The following EFHC2 variants were observed in gnomAD, a reference collection of about 807,000 sequenced individuals.
The protein encoded by EFHC2 is EF-hand domain-containing family member C2.
Under a neutral mutation model 52.7 loss-of-function variants are expected in EFHC2, and 18 were observed. The ratio of observed to expected loss-of-function variants is 0.34; its 90% confidence interval spans 0.24 to 0.51. The LOEUF (loss-of-function observed/expected upper bound fraction) is 0.51, where lower values mean the gene tolerates loss of function less well. EFHC2 is among the 20% of genes least tolerant of loss of function. EFHC2 has a pLI of 0.97. For missense variants in EFHC2, 513 were observed against 562.5 expected (o/e 0.91, Z 0.89); for synonymous variants, 203 against 204.1 (o/e 0.99, Z 0.04).
At chrX:44,205,097 C>T (rs549514630) in intron 11 of EFHC2, among the ~76,000 whole-genome samples, 1 of 111,382 alleles carries the variant, frequency 9.0e-6, no homozygotes, top group African/African-American at 3.3e-5. Flanking sequence ...AATTTCATAC[C>T]CCACCAAACT....
intron 11 of EFHC2, among the ~76,000 whole-genome samples, chrX:44,211,657 C>T (rs766640064): frequency 1.8e-5 from 2 of 110,002 alleles, no homozygotes; most frequent in South Asian, 3.9e-4. Flanking sequence ...ATCAGGAGAT[C>T]GAGACCATCC....
At chrX:44,202,270 G>A (rs929288203) in intron 11 of EFHC2, among the ~76,000 whole-genome samples, 10 of 111,201 alleles carry the variant, frequency 9.0e-5, no homozygotes, top group Middle Eastern at 4.2e-3. Flanking sequence ...AAAATCAGCC[G>A]GGCGTGGTGG....
intron 14 of EFHC2, among the ~76,000 whole-genome samples, chrX:44,149,913 G>A: frequency 8.9e-6 from 1 of 112,182 alleles, no homozygotes; most frequent in South Asian, 3.7e-4. Flanking sequence ...CTCACAGTAT[G>A]ATCTTGCAGA....
chrX:44,262,531 A>AAG (rs748889561), intron 3 of EFHC2, among the ~76,000 whole-genome samples: 7 of 93,672 alleles, frequency 7.5e-5, no homozygotes, highest in South Asian at 4.8e-4. Context: ...AAAAAAAAAA[A>AAG]AAAAGAAAAG....
At chrX:44,292,055 TAAA>T (rs1286888777) in intron 2 of EFHC2, among the ~76,000 whole-genome samples, 2 of 111,683 alleles carry the variant, frequency 1.8e-5, no homozygotes, top group Non-Finnish European at 3.8e-5. Context: ...TGGAGTTTTA[TAAA>T]CTGAATCAAG....
chrX:44,169,085 C>A (rs1299322608), intron 13 of EFHC2, among the ~76,000 whole-genome samples: 2 of 110,978 alleles, frequency 1.8e-5, no homozygotes. Flanking sequence ...GAACAGAAGA[C>A]TACAAGAAAG....
chrX:44,214,110 A>G (rs1174404633), intron 11 of EFHC2, among the ~76,000 whole-genome samples: 2 of 111,843 alleles, frequency 1.8e-5, no homozygotes. Context: ...AAAGTGTAAC[A>G]AATAGGTAAT....
intron 1 of EFHC2, among the ~76,000 whole-genome samples, chrX:44,324,757 C>A (rs1478236926): frequency 8.9e-6 from 1 of 111,958 alleles, no homozygotes; most frequent in Non-Finnish European, 1.9e-5. Flanking sequence ...TGAGAAGAAA[C>A]CAAAATATAT....
In EFHC2 at chrX:44,148,273, TC is replaced by T. The variant is rs1453213177; in HGVS notation, c.*521del. 1 of 108,655 alleles carries T rather than the reference TC, an allele frequency of 9.2e-6. No homozygotes were observed. The highest frequency in any genetic ancestry group is 3.5e-5 in the African/African-American group (1 of 28,540). 9.0% of individuals were successfully genotyped at this position (108,655 alleles called of 1,213,427 possible). ...TGTGTGTGTTGGAGGTTCTTTTTCT[TC>T]CCATAGCTTTACTAAGTTCAAAAGA... On this transcript the variant is annotated 3_prime_UTR_variant, in exon 15 of 15. Coordinates refer to ENST00000420999, the MANE Select transcript of EFHC2 (RefSeq NM_025184.4).
rs751041040 is a variant in EFHC2 at position 44,179,057 on chromosome X, T to C, written c.1752-493A>G. Among the ~76,000 whole-genome samples the C allele has an allele frequency of 1.0e-3, 110 of 107,920 alleles. 1 individual carries two copies. The highest frequency in any genetic ancestry group is 3.6e-3 in the African/African-American group (106 of 29,564). 93.7% of individuals were successfully genotyped at this position (107,920 alleles called of 115,157 possible). On this transcript the variant is annotated intron_variant, in intron 11 of 14. Transcript: ENST00000420999. ...ATAAAAAGTAAAACTGGACACACCC[T>C]GGCAGTGAGAAAAAAAAACAAGAGA...
intron 14 of EFHC2, among the ~76,000 whole-genome samples, chrX:44,161,562 C>G (rs1316325768): frequency 8.9e-6 from 1 of 111,738 alleles, no homozygotes; most frequent in African/African-American, 3.3e-5. Flanking sequence ...GTGCATCCCA[C>G]TGGTCAACCC....
intron 1 of EFHC2, among the ~76,000 whole-genome samples, chrX:44,313,461 G>T: frequency 8.9e-6 from 1 of 111,791 alleles, no homozygotes; most frequent in East Asian, 2.8e-4. Context: ...AGGCATATAT[G>T]TCCTATGGCC....
intron 10 of EFHC2, among the ~76,000 whole-genome samples, chrX:44,230,267 C>T (rs892697988): frequency 1.8e-5 from 2 of 111,926 alleles, no homozygotes; most frequent in South Asian, 3.8e-4. Context: ...CTAACCCTCG[C>T]ACAGTCATTC....
At chrX:44,158,685 C>T (rs775233046) in intron 14 of EFHC2, among the ~76,000 whole-genome samples, 5 of 110,826 alleles carry the variant, frequency 4.5e-5, no homozygotes, top group East Asian at 5.7e-4. Flanking sequence ...GTTGCACCCC[C>T]GGGACCTACA....
intron 1 of EFHC2, among the ~76,000 whole-genome samples, chrX:44,331,696 C>T (rs1033358705): frequency 3.6e-5 from 4 of 111,813 alleles, no homozygotes; most frequent in African/African-American, 1.3e-4. Context: ...GCAGACAAAT[C>T]GCTTGAGTCC....
At chrX:44,310,343 C>T in intron 2 of EFHC2, 1 of 879,195 alleles carries the variant, frequency 1.1e-6, no homozygotes, top group South Asian at 2.1e-5. Context: ...TGCAGTCTTG[C>T]TGGCCAGAAC....
chrX:44,163,939 C>T lies in EFHC2; in HGVS notation c.2131G>A (p.Ala711Thr). Residue 711 changes from alanine (A) to threonine (T), a missense_variant, in exon 14 of 15, where the codon GCA becomes ACA. Physicochemically the swap from Ala to Thr is moderately conservative, Grantham distance 58. Transcript: ENST00000420999. ...CATTTTACCTCTTTAAGGTATGATG[C>T]TGGTTGCAATTCAGGCACTGGATTC... Reference protein sequence around the residue: ...RKNPVPELQPASYLKERCEDV... With the variant: ...RKNPVPELQPTSYLKERCEDV... 4.3e-6 allele frequency: 5 copies of T among 1,164,420 alleles called. No individual in the cohort carries two copies. The highest frequency in any genetic ancestry group is 5.8e-6 in the Non-Finnish European group (5 of 869,103).
At chrX:44,266,987 T>C (rs2037583094) in intron 3 of EFHC2, among the ~76,000 whole-genome samples, 2 of 111,880 alleles carry the variant, frequency 1.8e-5, no homozygotes, top group Admixed American at 9.5e-5. Context: ...CTAAGAATCA[T>C]AGGGAAGCCA....
intron 7 of EFHC2, among the ~76,000 whole-genome samples, chrX:44,245,917 C>T (rs944456951): frequency 9.0e-6 from 1 of 111,517 alleles, no homozygotes. Context: ...CCCGTGACTT[C>T]CTGCTAGAGA....
Sources: gnomAD v4.1 joint callset for allele counts (sites outside exome capture counted in the v4.1 genomes callset) on GRCh38, gnomAD v4.1.1 for gene constraint, MANE v1.5 for transcripts, NCBI Gene and HGNC (gene_info 2026-07-23, HGNC 2026-07-21) for gene names.